GPC5: variants seen among roughly 807,000 people sequenced by gnomAD.
The protein encoded by GPC5 is glypican 5.
Under a neutral mutation model 53.9 loss-of-function variants are expected in GPC5, and 47 were observed. That is an observed-to-expected ratio of 0.87 (90% CI 0.69 to 1.11). GPC5 has a LOEUF of 1.11. Among genes scored for constraint, GPC5 ranks in the 50% most tolerant of loss-of-function variants. The probability of loss-of-function intolerance (pLI) is 0.00; values close to 1 mark genes in which losing one functional copy is unlikely to be tolerated. For missense variants in GPC5, 748 were observed against 713.1 expected, an observed-to-expected ratio of 1.05 and a Z score of -0.56; for synonymous variants, 286 against 263.3, an observed-to-expected ratio of 1.09 and a Z score of -0.84.
At chr13:91,952,695 A>G (rs2040038481) in intron 6 of GPC5, among the ~76,000 whole-genome samples, 1 of 152,134 alleles carries the variant, frequency 6.6e-6, no homozygotes, top group African/African-American at 2.4e-5. Flanking sequence ...TACAGGTTCA[A>G]AAGCAAAGGA....
chr13:92,706,226 C>A (rs1308399382), intron 7 of GPC5, among the ~76,000 whole-genome samples: 1 of 151,966 alleles, frequency 6.6e-6, no homozygotes, highest in African/African-American at 2.4e-5. Flanking sequence ...TTGTAGGGAA[C>A]CATTTTCAAA....
intron 7 of GPC5, among the ~76,000 whole-genome samples, chr13:92,519,273 C>A (rs1324040949): frequency 6.6e-6 from 1 of 152,142 alleles, no homozygotes. Flanking sequence ...CTGAACCAAG[C>A]AGACCTAATA....
At chr13:91,594,907 C>T (rs1047444982) in intron 2 of GPC5, among the ~76,000 whole-genome samples, 1 of 152,050 alleles carries the variant, frequency 6.6e-6, no homozygotes, top group African/African-American at 2.4e-5. Flanking sequence ...CTCCCTCAAG[C>T]AGTCTTTCCA....
chr13:91,874,225 C>T (rs1338944376), intron 5 of GPC5, among the ~76,000 whole-genome samples: 1 of 152,066 alleles, frequency 6.6e-6, no homozygotes, highest in Admixed American at 6.5e-5. Flanking sequence ...CAGTAGTGCC[C>T]TTGTGTGGAC....
chr13:92,089,254 G>A (rs1594758426), intron 6 of GPC5, among the ~76,000 whole-genome samples: 1 of 152,164 alleles, frequency 6.6e-6, no homozygotes, highest in Admixed American at 6.5e-5. Flanking sequence ...CTAACACGGT[G>A]AGACCCTGTC....
In GPC5 at chr13:92,421,481, C is replaced by G. The variant is rs1304207291; in HGVS notation, c.1561+276492C>G. ...TTGGGAGGCCGAGGCGGGTGGATCA[C>G]GAGGTCAGGAGATCGAAACCATCCT... is the stretch of plus-strand genomic sequence containing the variant. On this transcript the variant is annotated intron_variant, in intron 7 of 7. Transcript: ENST00000377067. Among the ~76,000 whole-genome samples the G allele has an allele frequency of 3.3e-5, 5 of 151,988 alleles. No homozygotes were observed. The East Asian group carries it at 7.7e-4, about 24-fold the overall frequency.
At chr13:92,821,132 A>G (rs1159419991) in intron 7 of GPC5, among the ~76,000 whole-genome samples, 1 of 152,170 alleles carries the variant, frequency 6.6e-6, no homozygotes, top group Non-Finnish European at 1.5e-5. Context: ...AAGCATTTGT[A>G]TTTGGAGTCA....
intron 6 of GPC5, among the ~76,000 whole-genome samples, chr13:91,976,571 G>A (rs908913036): frequency 1.3e-5 from 2 of 152,188 alleles, no homozygotes; most frequent in Admixed American, 1.3e-4. Context: ...AGGAAGAGGA[G>A]TTGGTCAACA....
At chr13:92,240,905 C>T (rs530980311) in intron 7 of GPC5, 2 of 152,146 alleles carry the variant, frequency 1.3e-5, no homozygotes, top group African/African-American at 4.8e-5. Flanking sequence ...TGGAAGACAT[C>T]TCTGTATTAA....
intron 6 of GPC5, among the ~76,000 whole-genome samples, chr13:92,117,967 C>A (rs1313067559): frequency 6.6e-6 from 1 of 152,088 alleles, no homozygotes; most frequent in Non-Finnish European, 1.5e-5. Flanking sequence ...TGGCTAGGAC[C>A]ATCAGTATTA....
intron 7 of GPC5, among the ~76,000 whole-genome samples, chr13:92,568,483 A>T (rs1855365): frequency 0.28 from 42,394 of 152,116 alleles, 6,271 homozygotes; most frequent in African/African-American, 0.35. Context: ...CAGCTTGGTT[A>T]GTTTAAAATA....
At chr13:92,636,163 T>C (rs1205381991) in intron 7 of GPC5, among the ~76,000 whole-genome samples, 1 of 152,196 alleles carries the variant, frequency 6.6e-6, no homozygotes, top group Non-Finnish European at 1.5e-5. Context: ...TTTGTGGTAT[T>C]GTAGAAATAT....
intron 7 of GPC5, among the ~76,000 whole-genome samples, chr13:92,578,663 A>T (rs1007671200): frequency 6.6e-6 from 1 of 152,150 alleles, no homozygotes; most frequent in African/African-American, 2.4e-5. Context: ...TAGTTCCTAC[A>T]TGGATTGGTA....
chr13:91,520,293 G>T (rs894176136), intron 2 of GPC5, among the ~76,000 whole-genome samples: 1 of 152,222 alleles, frequency 6.6e-6, no homozygotes, highest in African/African-American at 2.4e-5. Context: ...TGATAGGTGT[G>T]TGGTGGTCAT....
intron 7 of GPC5, among the ~76,000 whole-genome samples, chr13:92,430,031 T>G (rs1168555185): frequency 6.6e-6 from 1 of 151,992 alleles, no homozygotes; most frequent in Non-Finnish European, 1.5e-5. Context: ...CTAGGATGAT[T>G]TAGCCATTTC....
chr13:92,422,688 G>T (rs1254660994), intron 7 of GPC5, among the ~76,000 whole-genome samples: 1 of 152,086 alleles, frequency 6.6e-6, no homozygotes, highest in South Asian at 2.1e-4. Flanking sequence ...TAGTCTTTCA[G>T]TGAACCCTCC....
chr13:91,793,001 A>C (rs2352029), intron 5 of GPC5, among the ~76,000 whole-genome samples: 54,688 of 151,966 alleles, frequency 0.36, 11,152 homozygotes, highest in African/African-American at 0.56. Flanking sequence ...AAACCCTTCA[A>C]GTCGTTCCAT....
chr13:92,803,954 A>T (rs1877002551), intron 7 of GPC5, among the ~76,000 whole-genome samples: 1 of 151,958 alleles, frequency 6.6e-6, no homozygotes, highest in Non-Finnish European at 1.5e-5. Context: ...TTCTGAATGG[A>T]ATGCCAGAGT....
Position 92,832,633 on chromosome 13 carries a change from A to AC in GPC5, c.1562-33645dup, listed in dbSNP as rs1272428562. 5.3e-5 allele frequency among the ~76,000 whole-genome samples: 8 copies of AC among 152,148 alleles called. No homozygotes were observed. The East Asian group carries it at 1.6e-3, about 30-fold the overall frequency. ...TTAGAACCTGCTCATTCCTCTTGGT[A>AC]CCCCTTGACTCCCTTACCTCCTCAT... On this transcript the variant is annotated intron_variant, in intron 7 of 7. Transcript: ENST00000377067.
Sources: allele counts gnomAD v4.1 joint callset (sites outside exome capture counted in the v4.1 genomes callset), GRCh38; gene constraint gnomAD v4.1.1; transcripts MANE v1.5; gene names NCBI Gene and HGNC (gene_info 2026-07-23, HGNC 2026-07-21).